ZKSCAN4: variants seen among roughly 807,000 people sequenced by gnomAD.
The protein encoded by ZKSCAN4 is zinc finger with KRAB and SCAN domains 4.
ZKSCAN4 carries 23 observed loss-of-function variants against 30.8 expected under a neutral mutation model. The ratio of observed to expected loss-of-function variants is 0.75; its 90% CI spans 0.54 to 1.06. ZKSCAN4 has a LOEUF of 1.06. Among genes scored for constraint, ZKSCAN4 ranks in the 50% least tolerant of loss-of-function variants. The pLI, the probability that ZKSCAN4 is intolerant of heterozygous loss-of-function variation, is 0.00. For synonymous variants in ZKSCAN4, 208 were observed against 252.5 expected (o/e 0.82, Z 1.67); for missense variants, 556 against 665.4 (o/e 0.84, Z 1.81).
chr6:28,248,249 A>G (rs2235358), intron 2 of ZKSCAN4, 100 bp from the exon 3 acceptor site: 38,983 of 811,264 alleles, frequency 0.048, 1,337 homozygotes, highest in South Asian at 0.1. Context: ...GTTCTTGCCA[A>G]TAAGTTTATA....
chr6:28,255,993 A>G (rs1761164237), upstream of ZKSCAN4, among the ~76,000 whole-genome samples: 1 of 152,232 alleles, frequency 6.6e-6, no homozygotes, highest in African/African-American at 2.4e-5. Context: ...CATGACTGAA[A>G]TAGTTAGAGG....
rs1295502329 is a variant in ZKSCAN4, at chr6:28,243,197, T to G, written c.*1919A>C. Among the ~76,000 whole-genome samples the G allele has an allele frequency of 6.6e-6, 1 of 152,212 alleles. No homozygotes were observed. The highest frequency in any genetic ancestry group is 2.4e-5 in the African/African-American group (1 of 41,450). ...TGAGCAGAGAAAGTCTACAGAACTTTGGAATTCTAAAGAAGTTTTAAATTA... is the reference window on the plus strand; with the variant it reads ...TGAGCAGAGAAAGTCTACAGAACTTGGGAATTCTAAAGAAGTTTTAAATTA... On this transcript the variant is annotated 3_prime_UTR_variant, in exon 5 of 5. Coordinates refer to ENST00000377294, the MANE Select transcript of ZKSCAN4 (RefSeq NM_019110.5).
Position 28,247,180 on chromosome 6 carries a change from T to TA in ZKSCAN4, c.655-89dup, listed in dbSNP as rs1221765757. ...GAACATCCCCTTTAAAGAGGCTCTT[T>TA]AAAAAGGAGCAAGTGTGGCACACCT... On this transcript the variant is annotated intron_variant, in intron 3 of 4. Transcript: ENST00000377294. 9.5e-5 allele frequency: 136 copies of TA among 1,428,450 alleles called. 3 individuals are homozygous for TA. Among genetic ancestry groups the TA allele is most frequent in the Non-Finnish European group, 1.2e-4 (127 of 1,077,010 alleles). The allele number at this position is 1,428,450 out of a possible 1,614,324, so 88.5% of individuals were successfully genotyped here.
Position 28,245,460 on chromosome 6 carries a change from A to G in ZKSCAN4, c.1294T>C (p.Tyr432His). Residue 432 changes from tyrosine to histidine, a missense_variant, in exon 5 of 5, where the codon TAC becomes CAC. This residue lies in a region of ZKSCAN4 where 433 missense variants were observed against 511.5 expected (regional missense o/e 0.85). Transcript: ENST00000377294. ...GCTTTGCCACACATATTGCACTGGT[A>G]TGGCTTCTCCCCAGTATGAATTTTG... The part of the protein sequence containing the change: ...HHKIHTGEKP[Y>H]QCNMCGKAFR... 1 of 1,614,194 alleles carries G rather than the reference A, an allele frequency of 6.2e-7. No individual in the cohort carries two copies. The highest frequency in any genetic ancestry group is 8.5e-7 in the Non-Finnish European group (1 of 1,180,032).
chr6:28,252,114 C>T lies in ZKSCAN4; in HGVS notation c.-134G>A, dbSNP rs745358259. ...CTGTCATGCCCAGGGGCCCAGGACA[C>T]CCCCTGAGGCGCAGCTGCACAGATC... is the stretch of plus-strand genomic sequence containing the variant. On this transcript the variant is annotated 5_prime_UTR_variant, in exon 1 of 5. In the 5' UTR this introduces an upstream ATG that the reference lacks. Transcript: ENST00000377294. 1.1e-6 allele frequency: 1 copy of T among 915,412 alleles called. No homozygotes were observed. Among genetic ancestry groups the T allele is most frequent in the Non-Finnish European group, 1.6e-6 (1 of 618,240 alleles). 56.7% of individuals were successfully genotyped at this position (915,412 alleles called of 1,614,324 possible).
At chr6:28,248,965 A>G (rs1057188768) in intron 2 of ZKSCAN4, among the ~76,000 whole-genome samples, 4 of 152,240 alleles carry the variant, frequency 2.6e-5, no homozygotes, top group African/African-American at 9.6e-5. Context: ...AAGAAACCTT[A>G]GGTTTCCCTA....
rs1242862557 is a variant in ZKSCAN4, at chr6:28,242,502, C to T, written c.*2614G>A. ...AACTTTTTGCTCTGGCACTGAAGGC[C>T]CCTACAATGTCCCTATCTCTTAAAA... On this transcript the variant is annotated 3_prime_UTR_variant, in exon 5 of 5. Coordinates refer to ENST00000377294, the MANE Select transcript of ZKSCAN4 (RefSeq NM_019110.5). Among the ~76,000 whole-genome samples, 1 of 152,120 alleles carries T rather than the reference C, an allele frequency of 6.6e-6. No homozygotes were observed. The highest frequency in any genetic ancestry group is 1.5e-5 in the Non-Finnish European group (1 of 68,020).
chr6:28,248,840 AAAAAG>A (rs1032654864), intron 2 of ZKSCAN4, among the ~76,000 whole-genome samples: 9 of 126,072 alleles, frequency 7.1e-5, no homozygotes, highest in East Asian at 3.7e-4. Flanking sequence ...AAAAAAAAAA[AAAAAG>A]AAAAAAGAAA....
At position 28,245,626 on chromosome 6, in the gene ZKSCAN4, A is replaced by G. The variant is rs767020502; in HGVS notation, c.1128T>C (p.Tyr376=). 15 of 1,614,200 alleles carry G rather than the reference A, an allele frequency of 9.3e-6. No individual in the cohort carries two copies. The highest frequency in any genetic ancestry group is 1.2e-5 in the Non-Finnish European group (14 of 1,180,040). ...AGACCTTACCACATTCTTCACACTC[A>G]TATGGCTTCTCACCAGTGTGGACTC... ...HQRVHTGEKP[Y]ECEECGKVFS... is the part of the protein sequence containing the mutation. Residue 376 remains tyrosine, a synonymous_variant, in exon 5 of 5, where the codon TAT becomes TAC. Coordinates refer to ENST00000377294, the MANE Select transcript of ZKSCAN4 (RefSeq NM_019110.5).
intron 4 of ZKSCAN4, among the ~76,000 whole-genome samples, chr6:28,246,375 G>A (rs1022955581): frequency 2.7e-5 from 3 of 111,866 alleles, no homozygotes; most frequent in Non-Finnish European, 4.8e-5. Flanking sequence ...AATGGCAAAA[G>A]CAAAGAAACT....
chr6:28,255,821 G>A (rs530350142), upstream of ZKSCAN4, among the ~76,000 whole-genome samples: 1 of 151,990 alleles, frequency 6.6e-6, no homozygotes, highest in South Asian at 2.1e-4. Flanking sequence ...GGGGGTAAAG[G>A]CTGGGGGTAG....
chr6:28,253,551 A>G (rs1761092802), upstream of ZKSCAN4, among the ~76,000 whole-genome samples: 1 of 152,228 alleles, frequency 6.6e-6, no homozygotes, highest in South Asian at 2.1e-4. This position sits in a 1 kb window ranked among gnomAD's most constrained non-coding sequence, Gnocchi z 4.2. Flanking sequence ...AGATCCAAAT[A>G]TTTACAGAAA....
rs1459325428 is a variant in ZKSCAN4, at chr6:28,248,837, AAAAAAAAG to A, written c.572-696_572-689del. Among the ~76,000 whole-genome samples the A allele has an allele frequency of 9.2e-3, 1,387 of 150,572 alleles. 21 individuals carry two copies. The highest frequency in any genetic ancestry group is 0.03 in the African/African-American group (1,204 of 40,696). ...TGAGACCCCCATCTCAAAAAAAAAA[AAAAAAAAG>A]AAAAAAGAAAAAGAAAAACTAGGAG... On this transcript the variant is annotated intron_variant, in intron 2 of 4. Coordinates refer to ENST00000377294, the MANE Select transcript of ZKSCAN4 (RefSeq NM_019110.5).
chr6:28,251,719 T>C lies in ZKSCAN4; in HGVS notation c.262A>G (p.Ser88Gly). The C allele has an allele frequency of 6.2e-7, 1 of 1,614,250 alleles. No individual in the cohort carries two copies. The highest frequency in any genetic ancestry group is 8.5e-7 in the Non-Finnish European group (1 of 1,180,046). Residue 88 changes from serine to glycine, a missense_variant, in exon 1 of 5, where the codon AGC becomes GGC. Coordinates refer to ENST00000377294, the MANE Select transcript of ZKSCAN4 (RefSeq NM_019110.5). This position sits in a 1 kb window ranked among gnomAD's most constrained non-coding sequence, Gnocchi z 4.5. ...AGCAGCTCCAGGATCTGCTCCTTGC[T>C]GTGCATCTCAGGCTGCAGCCATTGT... is the stretch of plus-strand genomic sequence containing the variant. ...CGQWLQPEMH[S>G]KEQILELLVL... is the part of the protein sequence containing the mutation.
At chr6:28,257,716 T>C in the ZKSCAN4 span, among the ~76,000 whole-genome samples, 1 of 152,230 alleles carries the variant, frequency 6.6e-6, no homozygotes, top group Admixed American at 6.5e-5. Flanking sequence ...ATTGGCCTTT[T>C]GCAGAAAAGG....
At position 28,243,014 on chromosome 6, in the gene ZKSCAN4, GT is replaced by G. The variant is rs1486931843; in HGVS notation, c.*2101del. ...CATCAGAAACAAATATCACAGAAAA[GT>G]TAACAGAGTTGTCTGTAATGAGTTT... On this transcript the variant is annotated 3_prime_UTR_variant, in exon 5 of 5. Coordinates refer to ENST00000377294, the MANE Select transcript of ZKSCAN4 (RefSeq NM_019110.5). Among the ~76,000 whole-genome samples, 1 of 152,164 alleles carries G rather than the reference GT, an allele frequency of 6.6e-6. No individual in the cohort carries two copies. The highest frequency in any genetic ancestry group is 1.5e-5 in the Non-Finnish European group (1 of 68,022).
chr6:28,256,889 A>G (rs1189253238), upstream of ZKSCAN4, among the ~76,000 whole-genome samples: 1 of 152,204 alleles, frequency 6.6e-6, no homozygotes, highest in Non-Finnish European at 1.5e-5. Context: ...GGGAAAAATC[A>G]AAAGAATAAT....
Position 28,251,366 on chromosome 6 carries a change from T to C in ZKSCAN4, c.423+192A>G. The C allele has an allele frequency of 2.4e-6, 2 of 845,648 alleles. No individual in the cohort carries two copies. Among genetic ancestry groups the C allele is most frequent in the East Asian group, 2.7e-5 (1 of 37,014 alleles). 52.4% of individuals were successfully genotyped at this position (845,648 alleles called of 1,614,324 possible). ...ATAGTTGTGTTCTTTTGTAATCCTT[T>C]ATAGTTTCTTTATATATTTAAAAAT... On this transcript the variant is annotated intron_variant, in intron 1 of 4. Coordinates refer to ENST00000377294, the MANE Select transcript of ZKSCAN4 (RefSeq NM_019110.5). This position sits in a 1 kb window ranked among gnomAD's most constrained non-coding sequence, Gnocchi z 4.5.
In ZKSCAN4 at chr6:28,245,983, A is replaced by T; in HGVS notation, c.779-8T>A. ...TAGTCTGTATTTCACCACCTGAAAC[A>T]ACAAATGGCCGGCAACTGTGGGTTA... On this transcript the variant is annotated splice_polypyrimidine_tract_variant and splice_region_variant and intron_variant, in intron 4 of 4. Coordinates refer to ENST00000377294, the MANE Select transcript of ZKSCAN4 (RefSeq NM_019110.5). 1.9e-6 allele frequency: 3 copies of T among 1,614,204 alleles called. No individual in the cohort carries two copies. Among genetic ancestry groups the T allele is most frequent in the Non-Finnish European group, 2.5e-6 (3 of 1,180,024 alleles).
Sources: gnomAD v4.1 joint callset for allele counts (sites outside exome capture counted in the v4.1 genomes callset) on GRCh38, gnomAD v4.1.1 for gene constraint, gnomAD v4.1.1 regional missense constraint, Gnocchi (gnomAD v3.1) non-coding constraint, MANE v1.5 for transcripts, NCBI Gene and HGNC (gene_info 2026-07-23, HGNC 2026-07-21) for gene names.